Variants in ZEB1 observed in about 807,000 individuals in gnomAD.
ZEB1 encodes the protein zinc finger E-box binding homeobox 1, also known as zinc finger E-box-binding homeobox 1.
In ZEB1, 21 loss-of-function variants were observed where a neutral mutation model predicts 84.9. That is an observed-to-expected ratio of 0.25 (90% CI 0.18 to 0.36). The LOEUF is 0.36. ZEB1 is among the 10% of genes least tolerant of loss of function. The pLI, the probability that ZEB1 is intolerant of heterozygous loss-of-function variation, is 1.00. For missense variants in ZEB1, 1,104 were observed against 1,330.2 expected, an observed-to-expected ratio of 0.83 and a Z score of 2.65; for synonymous variants, 420 against 471.1, an observed-to-expected ratio of 0.89 and a Z score of 1.41.
At chr10:31,397,196 T>TTAC (rs2050948938) in intron 1 of ZEB1, among the ~76,000 whole-genome samples, 1 of 146,146 alleles carries the variant, frequency 6.8e-6, no homozygotes, top group African/African-American at 2.5e-5. Flanking sequence ...ATTATTATTA[T>TTAC]TATTATACTT....
rs183089058 is a variant in ZEB1 at position 31,422,023 on chromosome 10, A to G, written c.59-39014A>G. On this transcript the variant is annotated intron_variant, in intron 1 of 8. Transcript: ENST00000424869. ...AACCTGTGTTTGCTTTGATCCATAGATACACATTTGAACTACAGGCCATCC... is the reference window on the plus strand; with the variant it reads ...AACCTGTGTTTGCTTTGATCCATAGGTACACATTTGAACTACAGGCCATCC... Among the ~76,000 whole-genome samples the G allele has an allele frequency of 2.0e-5, 3 of 152,144 alleles. No individual in the cohort carries two copies. In the East Asian group the frequency reaches 5.8e-4, roughly 29 times the overall value.
In ZEB1 at chr10:31,445,704, A is replaced by G. The variant is rs557508914; in HGVS notation, c.59-15333A>G. On this transcript the variant is annotated intron_variant, in intron 1 of 8. Coordinates refer to ENST00000424869, the MANE Select transcript of ZEB1 (RefSeq NM_001174096.2). ...GGTTTTTGTCTTTGGCTCTGTTTAT[A>G]TGCTGGATTACATTTATTGATTTGC... Among the ~76,000 whole-genome samples the G allele has an allele frequency of 6.1e-3, 838 of 138,042 alleles. 8 individuals are homozygous for G. The highest frequency in any genetic ancestry group is 0.021 in the African/African-American group (769 of 36,620). The allele number at this position is 138,042 out of a possible 152,430, so 90.6% of individuals were successfully genotyped here. A position where few individuals can be genotyped will look rare whatever the true frequency, so the allele number is the denominator to read the frequency against.
intron 1 of ZEB1, among the ~76,000 whole-genome samples, chr10:31,447,724 A>T (rs1232358597): frequency 1.3e-5 from 2 of 151,816 alleles, no homozygotes; most frequent in Non-Finnish European, 2.9e-5. Flanking sequence ...CTTTTCTTTA[A>T]GAATGTTGAA....
At chr10:31,455,208 A>G (rs929231543) in intron 1 of ZEB1, among the ~76,000 whole-genome samples, 2 of 152,234 alleles carry the variant, frequency 1.3e-5, no homozygotes, top group African/African-American at 4.8e-5. Context: ...CTGGCTAGCC[A>G]TATGCAGAAA....
At chr10:31,368,345 T>TAGAAAC (rs1275981349) in intron 1 of ZEB1, among the ~76,000 whole-genome samples, 1 of 151,940 alleles carries the variant, frequency 6.6e-6, no homozygotes, top group Non-Finnish European at 1.5e-5. Context: ...TTTGTAGAGA[T>TAGAAAC]AGAGTTTCAT....
In ZEB1 at chr10:31,510,665, T is replaced by A. The variant is rs1372941511; in HGVS notation, c.485-8T>A. 3 of 1,610,828 alleles carry A rather than the reference T, an allele frequency of 1.9e-6. No individual in the cohort carries two copies. In the East Asian group the frequency reaches 6.7e-5, roughly 36 times the overall value. Reference sequence around the variant, plus strand: ...TTAAATTTAAAATATATGATCTTTCTTTTACAGGAACACCAGATGCATTTT... The same window carrying A: ...TTAAATTTAAAATATATGATCTTTCATTTACAGGAACACCAGATGCATTTT... On this transcript the variant is annotated splice_region_variant and splice_polypyrimidine_tract_variant and intron_variant, in intron 4 of 8. Transcript: ENST00000424869.
chr10:31,450,402 G>C (rs1395973681), intron 1 of ZEB1, among the ~76,000 whole-genome samples: 1 of 150,764 alleles, frequency 6.6e-6, no homozygotes, highest in East Asian at 1.9e-4. Context: ...TTTTTCTGTT[G>C]GAAAGATATT....
At chr10:31,341,289 T>C (rs1308875022) in intron 1 of ZEB1, among the ~76,000 whole-genome samples, 1 of 151,572 alleles carries the variant, frequency 6.6e-6, no homozygotes, top group South Asian at 2.1e-4. Context: ...GAAGAGGGAG[T>C]AGATTTCAGA....
In ZEB1 at chr10:31,520,644, G is replaced by T; in HGVS notation, c.1312G>T (p.Ala438Ser). The change falls in exon 7 of 9, where the codon GCA becomes TCA. Residue 438 changes from alanine (A) to serine (S), a missense_variant. Transcript: ENST00000424869. This position sits in a 1 kb window ranked among gnomAD's most constrained non-coding sequence, Gnocchi z 5.1. ...GTTGGAGAATAATCAAGCCAATCTT[G>T]CATCCAAAGAACAAGAAACAATCAA... The part of the protein sequence containing the change: ...QVLENNQANL[A>S]SKEQETINAS... 1 of 1,613,980 alleles carries T rather than the reference G, an allele frequency of 6.2e-7. No individual in the cohort carries two copies. Among genetic ancestry groups the T allele is most frequent in the Non-Finnish European group, 8.5e-7 (1 of 1,179,956 alleles).
intron 1 of ZEB1, among the ~76,000 whole-genome samples, chr10:31,331,791 G>A (rs567971623): frequency 2.0e-5 from 3 of 152,156 alleles, no homozygotes; most frequent in Non-Finnish European, 2.9e-5. Flanking sequence ...TGGGACTCAA[G>A]TCACGTTTGG....
intron 1 of ZEB1, among the ~76,000 whole-genome samples, chr10:31,452,013 A>G (rs2060619708): frequency 6.6e-6 from 1 of 152,202 alleles, no homozygotes; most frequent in Non-Finnish European, 1.5e-5. Flanking sequence ...GTATCTGAAG[A>G]TATTAAAAAC....
At chr10:31,491,876 T>C (rs1565101561) in intron 2 of ZEB1, among the ~76,000 whole-genome samples, 1 of 151,954 alleles carries the variant, frequency 6.6e-6, no homozygotes, top group Admixed American at 6.6e-5. Context: ...TTCACATACA[T>C]ATTATAAATT....
intron 1 of ZEB1, among the ~76,000 whole-genome samples, chr10:31,371,471 A>G (rs1375489500): frequency 2.0e-5 from 3 of 152,182 alleles, no homozygotes; most frequent in Admixed American, 6.5e-5. Flanking sequence ...TGTGGGTTTC[A>G]TTAGGCTAAA....
chr10:31,474,420 C>T (rs1399564836), intron 2 of ZEB1, among the ~76,000 whole-genome samples: 3 of 152,062 alleles, frequency 2.0e-5, no homozygotes, highest in Admixed American at 6.5e-5. Flanking sequence ...AGACACTTCT[C>T]GAAAGAAGAC....
intron 2 of ZEB1, among the ~76,000 whole-genome samples, chr10:31,485,320 T>C (rs1226425447): frequency 2.6e-5 from 4 of 151,862 alleles, no homozygotes; most frequent in African/African-American, 9.7e-5. Flanking sequence ...GATGTAATGC[T>C]CTAGTCGTAT....
chr10:31,505,093 T>C lies in ZEB1; in HGVS notation c.484+2584T>C, dbSNP rs970130285. Among the ~76,000 whole-genome samples the C allele has an allele frequency of 3.3e-5, 5 of 152,102 alleles. 1 individual carries two copies. The highest frequency in any genetic ancestry group is 2.0e-4 in the Admixed American group (3 of 15,262). ...CTGTGGTTCTGTCATATATGTCCTT[T>C]ATTATATGGAGGTGAACCATCTTTG... On this transcript the variant is annotated intron_variant, in intron 4 of 8. Transcript: ENST00000424869.
At chr10:31,486,104 G>A (rs2065725922) in intron 2 of ZEB1, among the ~76,000 whole-genome samples, 1 of 151,550 alleles carries the variant, frequency 6.6e-6, no homozygotes, top group African/African-American at 2.4e-5. Context: ...TCATTGTATG[G>A]GTGTGCCACA....
chr10:31,435,558 A>G (rs2058189893), intron 1 of ZEB1, among the ~76,000 whole-genome samples: 1 of 152,176 alleles, frequency 6.6e-6, no homozygotes, highest in African/African-American at 2.4e-5. Context: ...CTTCTTTGGA[A>G]CTATGACACT....
intron 1 of ZEB1, among the ~76,000 whole-genome samples, chr10:31,337,562 C>T (rs182053518): frequency 2.0e-5 from 3 of 151,682 alleles, no homozygotes; most frequent in Admixed American, 6.6e-5. Context: ...CATGTATTTC[C>T]TATGTACGTA....
Sources: gnomAD v4.1 joint callset for allele counts (sites outside exome capture counted in the v4.1 genomes callset) on GRCh38, gnomAD v4.1.1 for gene constraint, Gnocchi (gnomAD v3.1) non-coding constraint, MANE v1.5 for transcripts, NCBI Gene and HGNC (gene_info 2026-07-23, HGNC 2026-07-21) for gene names.